Variants in SMOC1 observed in about 807,000 individuals in gnomAD.
SMOC1 encodes SPARC-related modular calcium-binding protein 1.
In SMOC1, 22 loss-of-function variants were observed where a neutral mutation model predicts 56.3. The observed-to-expected ratio is 0.39, with a 90% CI of 0.28 to 0.56. The LOEUF (loss-of-function observed/expected upper bound fraction) is 0.56. Among genes scored for constraint, SMOC1 ranks in the 20% least tolerant of loss-of-function variants. The pLI, the probability that SMOC1 is intolerant of heterozygous loss-of-function variation, is 0.61. For synonymous variants in SMOC1, 193 were observed against 215.0 expected, an observed-to-expected ratio of 0.90 and a Z score of 0.89; for missense variants, 509 against 565.4, an observed-to-expected ratio of 0.90 and a Z score of 1.01.
At chr14:69,924,671 G>C (rs574838636) in intron 1 of SMOC1, among the ~76,000 whole-genome samples, 2 of 144,656 alleles carry the variant, frequency 1.4e-5, no homozygotes, top group Admixed American at 6.9e-5. Flanking sequence ...GGGGAGCTAG[G>C]GAAGGTAAGG....
At chr14:69,932,677 G>A (rs1885197931) in intron 1 of SMOC1, among the ~76,000 whole-genome samples, 1 of 152,210 alleles carries the variant, frequency 6.6e-6, no homozygotes, top group African/African-American at 2.4e-5. Flanking sequence ...TTGTGGTCCT[G>A]GGGACCGACC....
chr14:69,993,638 C>G (rs1884651275), intron 6 of SMOC1, among the ~76,000 whole-genome samples: 2 of 152,206 alleles, frequency 1.3e-5, no homozygotes, highest in Admixed American at 6.5e-5. Context: ...AATCAGCTCA[C>G]TTATGGGAAG....
Position 69,914,170 on chromosome 14 carries a change from G to A in SMOC1, c.99+34393G>A, listed in dbSNP as rs1432043806. ...AGGCTGTCATTAACAAGCCCTGGGC[G>A]TGATTCTGATGCTCCTAAAGTTTGA... On this transcript the variant is annotated intron_variant, in intron 1 of 11. Coordinates refer to ENST00000361956, the MANE Select transcript of SMOC1 (RefSeq NM_001034852.3). 3.9e-5 allele frequency among the ~76,000 whole-genome samples: 6 copies of A among 152,212 alleles called. No individual in the cohort carries two copies. The East Asian group carries it at 1.2e-3, about 29-fold the overall frequency.
At chr14:69,976,581 T>C (rs142543788) in intron 4 of SMOC1, among the ~76,000 whole-genome samples, 2 of 152,270 alleles carry the variant, frequency 1.3e-5, no homozygotes, top group African/African-American at 2.4e-5. Context: ...GCTTTTTAGG[T>C]CCATTTCATG....
Position 70,011,484 on chromosome 14 carries a change from G to C in SMOC1, c.858-1G>C. The C allele has an allele frequency of 7.8e-7, 1 of 1,285,164 alleles. No homozygotes were observed. 79.6% of individuals were successfully genotyped at this position (1,285,164 alleles called of 1,614,324 possible). A position where few individuals can be genotyped will look rare whatever the true frequency, so the allele number is the denominator to read the frequency against. On this transcript the variant is annotated splice_acceptor_variant, in intron 8 of 11. Transcript: ENST00000361956. LOFTEE classifies it high-confidence loss of function. ...CCCCCCCCATATCTCTCTTTTCCCA[G>C]CTACGTGATGCCCAGTTGTGAGAGC...
At position 69,883,174 on chromosome 14, in the gene SMOC1, G is replaced by A. The variant is rs1411284997; in HGVS notation, c.99+3397G>A. On this transcript the variant is annotated intron_variant, in intron 1 of 11. Coordinates refer to ENST00000361956, the MANE Select transcript of SMOC1 (RefSeq NM_001034852.3). ...AACATCCACTCTTTGCATTTTTCAA[G>A]GATACAATAACTTGTCATTAACTAT... 3.3e-5 allele frequency among the ~76,000 whole-genome samples: 5 copies of A among 152,086 alleles called. No homozygotes were observed. The East Asian group carries it at 7.7e-4, about 23-fold the overall frequency.
At chr14:69,942,282 C>A (rs748886683) in intron 1 of SMOC1, among the ~76,000 whole-genome samples, 22 of 151,870 alleles carry the variant, frequency 1.4e-4, no homozygotes, top group Non-Finnish European at 2.6e-4. Flanking sequence ...AGCATGGTGG[C>A]TTGTATTAAA....
chr14:69,963,816 A>G (rs1883470646), intron 3 of SMOC1, among the ~76,000 whole-genome samples: 1 of 152,216 alleles, frequency 6.6e-6, no homozygotes. Context: ...GGTCTGACCC[A>G]TTCATGTGCA....
intron 7 of SMOC1, among the ~76,000 whole-genome samples, chr14:70,009,269 C>G (rs1382099823): frequency 2.0e-5 from 3 of 152,172 alleles, no homozygotes; most frequent in African/African-American, 7.2e-5. Flanking sequence ...ATGAGAATCA[C>G]CAGGCTATTG....
chr14:69,951,593 G>A (rs1882997080), intron 1 of SMOC1, among the ~76,000 whole-genome samples: 1 of 152,210 alleles, frequency 6.6e-6, no homozygotes, highest in South Asian at 2.1e-4. Flanking sequence ...TAGATTTGGA[G>A]CTCACTACGA....
chr14:69,945,583 C>T (rs936594009), intron 1 of SMOC1, among the ~76,000 whole-genome samples: 1 of 152,194 alleles, frequency 6.6e-6, no homozygotes, highest in Non-Finnish European at 1.5e-5. Context: ...TAGCTGAGCC[C>T]AGCCAACCCA....
intron 1 of SMOC1, chr14:69,885,245 A>G: frequency 1.4e-6 from 1 of 738,626 alleles, no homozygotes; most frequent in Non-Finnish European, 2.1e-6. Context: ...AGGAACGATT[A>G]CTCTCTCCTT....
intron 1 of SMOC1, among the ~76,000 whole-genome samples, chr14:69,890,465 T>C (rs17107388): frequency 0.15 from 22,386 of 152,208 alleles, 1,729 homozygotes; most frequent in South Asian, 0.2. Context: ...TTCCAAGAGA[T>C]GCATTTTGGT....
intron 1 of SMOC1, among the ~76,000 whole-genome samples, chr14:69,947,241 G>A (rs1882818572): frequency 6.6e-6 from 1 of 151,658 alleles, no homozygotes; most frequent in Non-Finnish European, 1.5e-5. Context: ...TACCATCATG[G>A]CTCACTGCAG....
intron 1 of SMOC1, among the ~76,000 whole-genome samples, chr14:69,901,356 G>A (rs1256595807): frequency 1.3e-5 from 2 of 152,172 alleles, no homozygotes; most frequent in Non-Finnish European, 2.9e-5. Flanking sequence ...TCATTCACTT[G>A]TTGTGGATAT....
chr14:69,953,531 A>G lies in SMOC1; in HGVS notation c.377A>G (p.Gln126Arg). 6.2e-7 allele frequency: 1 copy of G among 1,613,434 alleles called. No individual in the cohort carries two copies. The highest frequency in any genetic ancestry group is 8.5e-7 in the Non-Finnish European group (1 of 1,179,312). ...TGTGGCGAGGATGGCTCCTTTACCC[A>G]GGTGAGGCCTCGGACAATCCTCTTG... ...PECGEDGSFT[Q>R]VQCHTYTGYC... The change falls in exon 3 of 12, where the codon CAG becomes CGG. Residue 126 changes from glutamine to arginine, a missense_variant and splice_region_variant. Gln to Arg is a conservative substitution (Grantham distance 43). Around this residue, in one of 3 missense-constraint regions of SMOC1, gnomAD observed 315 missense variants for 333.1 expected, o/e 0.95. Transcript: ENST00000361956.
At chr14:69,922,354 G>A (rs940859913) in intron 1 of SMOC1, among the ~76,000 whole-genome samples, 2 of 152,190 alleles carry the variant, frequency 1.3e-5, no homozygotes, top group African/African-American at 2.4e-5. Flanking sequence ...AGGCGTAAAG[G>A]TCTTGTGCAT....
chr14:69,958,602 T>G (rs959207590), intron 3 of SMOC1, among the ~76,000 whole-genome samples: 2 of 152,206 alleles, frequency 1.3e-5, no homozygotes, highest in Admixed American at 1.3e-4. Context: ...GAAAGTAAAT[T>G]GGCACTGACT....
Position 70,023,464 on chromosome 14 carries a change from G to A in SMOC1, c.1291+17G>A. ...GCAAAGAAGGTGAGTGCTCTCCCCT[G>A]TGCTCCTGGCCTTTCAATACTTGCC... On this transcript the variant is annotated intron_variant, in intron 11 of 11. Transcript: ENST00000361956. 1 of 1,613,798 alleles carries A rather than the reference G, an allele frequency of 6.2e-7. No individual in the cohort carries two copies. Among genetic ancestry groups the A allele is most frequent in the Non-Finnish European group, 8.5e-7 (1 of 1,180,016 alleles).
Sources: gnomAD v4.1 joint callset for allele counts (sites outside exome capture counted in the v4.1 genomes callset) on GRCh38, gnomAD v4.1.1 for gene constraint, gnomAD v4.1.1 regional missense constraint, MANE v1.5 for transcripts, NCBI Gene and HGNC (gene_info 2026-07-23, HGNC 2026-07-21) for gene names.